Variants in KIF19 observed in about 807,000 individuals in gnomAD.
The protein encoded by KIF19 is kinesin-like protein KIF19.
In KIF19, 98 loss-of-function variants were observed where a neutral mutation model predicts 106.6. That is an observed-to-expected ratio of 0.92 (90% CI 0.78 to 1.09). The LOEUF is 1.09. Ranked by LOEUF, KIF19 falls within the 50% of genes least tolerant of loss-of-function variation. The pLI is 0.00. For missense variants in KIF19, 1,373 were observed against 1,414.3 expected (o/e 0.97, Z 0.47); for synonymous variants, 516 against 584.2 (o/e 0.88, Z 1.68).
At position 74,354,529 on chromosome 17, in the gene KIF19, GTCCCGA is replaced by G; in HGVS notation, c.2680_2685del (p.Arg894_Ser895del). The stretch of plus-strand genomic sequence containing the variant: ...TGGAGGCAAAGAGAAGGAAGCGGAG[GTCCCGA>G]TCCTTCGAGGTCACCGGGCAAGGGG... On this transcript the variant is annotated inframe_deletion, in exon 18 of 20. Transcript: ENST00000389916. The G allele has an allele frequency of 6.2e-7, 1 of 1,601,422 alleles. No individual in the cohort carries two copies. Among genetic ancestry groups the G allele is most frequent in the South Asian group, 1.1e-5 (1 of 88,918 alleles).
rs112186026 is a variant in KIF19, at chr17:74,328,171, G to T, written c.40-254G>T. 6.0e-3 allele frequency among the ~76,000 whole-genome samples: 910 copies of T among 152,292 alleles called. 12 individuals are homozygous for T. Among genetic ancestry groups the T allele is most frequent in the African/African-American group, 0.02 (845 of 41,548 alleles). ...TGTTTTATTTGGGCGTGAGGCTGAG[G>T]CAGGCTGGAGGAGCAGACAGCTCTC... On this transcript the variant is annotated intron_variant, in intron 1 of 19. Coordinates refer to ENST00000389916, the MANE Select transcript of KIF19 (RefSeq NM_153209.4).
intron 2 of KIF19, 41 bp downstream of exon 2, chr17:74,328,546 T>C: frequency 6.5e-7 from 1 of 1,540,238 alleles, no homozygotes; most frequent in South Asian, 1.2e-5. Context: ...GGCAGAGGTC[T>C]GCTCAGATGG....
intron 15 of KIF19, 87 bp downstream of exon 15, chr17:74,353,041 G>T: frequency 6.5e-7 from 1 of 1,528,538 alleles, no homozygotes; most frequent in East Asian, 2.3e-5. Context: ...GGGGAACACA[G>T]AGCAGCAATG....
intron 6 of KIF19, 50 bp from the exon 7 acceptor site, chr17:74,344,711 G>A (rs374106339): frequency 7.7e-6 from 12 of 1,558,932 alleles, no homozygotes; most frequent in Middle Eastern, 1.7e-4. Flanking sequence ...CCTCTCTGCC[G>A]GAGCACCTAC....
Position 74,352,938 on chromosome 17 carries a change from C to T in KIF19, c.2098C>T (p.Pro700Ser), listed in dbSNP as rs1434702585. 6.2e-7 allele frequency: 1 copy of T among 1,613,692 alleles called. No homozygotes were observed. The highest frequency in any genetic ancestry group is 8.5e-7 in the Non-Finnish European group (1 of 1,179,796). The change falls in exon 15 of 20, where the codon CCC becomes TCC. Residue 700 changes from proline (P) to serine (S), a missense_variant. Physicochemically the swap from Pro to Ser is moderately conservative, Grantham distance 74. This residue lies in a region of KIF19 where 1,020 missense variants were observed against 1,008.2 expected (regional missense o/e 1.01). Coordinates refer to ENST00000389916, the MANE Select transcript of KIF19 (RefSeq NM_153209.4). ...AQHLQNSALP[P>S]LSTESEGHHV... is the part of the protein sequence containing the mutation. ...GCACCTGCAGAACAGCGCCCTCCCTCCCCTCAGCACAGAGAGGTGAGATGG... is the reference window on the plus strand; with the variant it reads ...GCACCTGCAGAACAGCGCCCTCCCTTCCCTCAGCACAGAGAGGTGAGATGG...
rs1011353111 is a variant in KIF19, at chr17:74,346,776, G to A, written c.924+252G>A. 6.6e-6 allele frequency among the ~76,000 whole-genome samples: 1 copy of A among 152,198 alleles called. No individual in the cohort carries two copies. The highest frequency in any genetic ancestry group is 2.4e-5 in the African/African-American group (1 of 41,446). On this transcript the variant is annotated intron_variant, in intron 8 of 19. Transcript: ENST00000389916. The surrounding 1 kb of genome is among the most constrained non-coding windows in gnomAD (Gnocchi z 4.6). ...GACCCTAACCAAAGGCTGGGCAATG[G>A]GAAGGAAAAGGAGCACGTGATACCC...
At chr17:74,349,892 G>A (rs1024335292) in intron 10 of KIF19, among the ~76,000 whole-genome samples, 8 of 151,716 alleles carry the variant, frequency 5.3e-5, no homozygotes, top group South Asian at 2.1e-4. Flanking sequence ...TCTGCCTCCC[G>A]GGTTCAAGCG....
At chr17:74,340,851 A>G (rs1181846312) in intron 2 of KIF19, among the ~76,000 whole-genome samples, 1 of 152,154 alleles carries the variant, frequency 6.6e-6, no homozygotes, top group Non-Finnish European at 1.5e-5. Flanking sequence ...GGTGAGGCGG[A>G]GCAGGCAGGG....
Position 74,354,781 on chromosome 17 carries a change from G to T in KIF19, c.2707-1G>T, listed in dbSNP as rs1186650046. 1.3e-6 allele frequency: 2 copies of T among 1,554,944 alleles called. No individual in the cohort carries two copies. The highest frequency in any genetic ancestry group is 8.7e-7 in the Non-Finnish European group (1 of 1,148,732). The stretch of plus-strand genomic sequence containing the variant: ...CTCACCCCACTGTTCAACCATCACA[G>T]CTCTCCCACCCCAAGACACACCTCC... On this transcript the variant is annotated splice_acceptor_variant, in intron 18 of 19. Coordinates refer to ENST00000389916, the MANE Select transcript of KIF19 (RefSeq NM_153209.4). LOFTEE classifies it high-confidence loss of function.
chr17:74,349,126 C>T, intron 9 of KIF19, 58 bp from the exon 10 acceptor site: 3 of 1,594,944 alleles, frequency 1.9e-6, no homozygotes, highest in East Asian at 4.5e-5. Flanking sequence ...GCAGGCAGGC[C>T]TCGGTGAGTG....
At chr17:74,328,201 CTGGGGCTCTCCCG>C (rs149130279) in intron 1 of KIF19, among the ~76,000 whole-genome samples, 7,882 of 152,224 alleles carry the variant, frequency 0.052, 587 homozygotes, top group African/African-American at 0.16. Flanking sequence ...GCTCTCTCCC[CTGGGGCTCTCCCG>C]GAGGCCAGGG....
At chr17:74,334,216 G>A (rs184011616) in intron 2 of KIF19, among the ~76,000 whole-genome samples, 135 of 151,670 alleles carry the variant, frequency 8.9e-4, no homozygotes, top group African/African-American at 3.0e-3. Context: ...ATGGGTGTGT[G>A]GGTTGTTCTT....
At position 74,326,397 on chromosome 17, in the gene KIF19, C is replaced by T. The variant is rs2144177200; in HGVS notation, c.39+9C>T. 3 of 1,612,146 alleles carry T rather than the reference C, an allele frequency of 1.9e-6. No homozygotes were observed. Among genetic ancestry groups the T allele is most frequent in the Non-Finnish European group, 2.5e-6 (3 of 1,178,992 alleles). On this transcript the variant is annotated intron_variant, in intron 1 of 19. Transcript: ENST00000389916. Reference sequence around the variant, plus strand: ...AGGACCAGCAACTCATGGTGAGACCCTTTTAGACCCTCCTCCCCACCCCGC... The same window carrying T: ...AGGACCAGCAACTCATGGTGAGACCTTTTTAGACCCTCCTCCCCACCCCGC...
chr17:74,355,052 T>C (rs2054840826), intron 19 of KIF19, 111 bp downstream of exon 19: 6 of 1,546,746 alleles, frequency 3.9e-6, no homozygotes, highest in Non-Finnish European at 5.3e-6. Flanking sequence ...GGAAGCATGG[T>C]TCTAGCAGAA....
intron 2 of KIF19, among the ~76,000 whole-genome samples, chr17:74,340,603 G>A (rs1239832215): frequency 6.8e-6 from 1 of 146,700 alleles, no homozygotes; most frequent in Non-Finnish European, 1.5e-5. Flanking sequence ...GCAGGGAGGG[G>A]AGCCCCAGCT....
intron 1 of KIF19, among the ~76,000 whole-genome samples, chr17:74,326,725 A>G (rs956607596): frequency 4.6e-5 from 7 of 152,182 alleles, no homozygotes; most frequent in Admixed American, 2.0e-4. Flanking sequence ...GGCTTGACCT[A>G]ACTGCCCCCA....
rs375218136 is a variant in KIF19 at position 74,352,918 on chromosome 17, T to G, written c.2078T>G (p.Leu693Arg). 8 of 1,613,904 alleles carry G rather than the reference T, an allele frequency of 5.0e-6. No individual in the cohort carries two copies. The highest frequency in any genetic ancestry group is 5.9e-6 in the Non-Finnish European group (7 of 1,179,860). Reference protein sequence around the residue: ...VKTLSSDAQHLQNSALPPLST... With the variant: ...VKTLSSDAQHRQNSALPPLST... ...ACATTGAGCTCTGATGCCCAGCACC[T>G]GCAGAACAGCGCCCTCCCTCCCCTC... The change falls in exon 15 of 20, where the codon CTG (leucine) becomes CGG (arginine). Residue 693 changes from leucine to arginine, a missense_variant. Physicochemically the swap from Leu to Arg is moderately radical, Grantham distance 102 (BLOSUM62 -2). Around this residue, in one of 3 missense-constraint regions of KIF19, gnomAD observed 1,020 missense variants for 1,008.2 expected, o/e 1.01. Coordinates refer to ENST00000389916, the MANE Select transcript of KIF19 (RefSeq NM_153209.4).
Position 74,354,875 on chromosome 17 carries a change from A to G in KIF19, c.2800A>G (p.Ile934Val), listed in dbSNP as rs769970075. The change falls in exon 19 of 20, where the codon ATC (isoleucine) becomes GTC (valine). Residue 934 changes from isoleucine (I) to valine (V), a missense_variant. Ile to Val is a conservative substitution (Grantham distance 29, BLOSUM62 3). Around this residue, in one of 3 missense-constraint regions of KIF19, gnomAD observed 1,020 missense variants for 1,008.2 expected, o/e 1.01. Coordinates refer to ENST00000389916, the MANE Select transcript of KIF19 (RefSeq NM_153209.4). The stretch of plus-strand genomic sequence containing the variant: ...AGTGTGCAGGCACCCAGCCCCTGGT[A>G]TCCGGCATCTGGGAAAGGTCACGCT... ...MPVCRHPAPG[I>V]RHLGKVTLPL... 5.7e-6 allele frequency: 9 copies of G among 1,567,606 alleles called. No homozygotes were observed. In the South Asian group the frequency reaches 9.4e-5, roughly 16 times the overall value.
intron 2 of KIF19, among the ~76,000 whole-genome samples, chr17:74,341,209 C>A (rs886519605): frequency 1.3e-5 from 2 of 152,150 alleles, no homozygotes; most frequent in East Asian, 1.9e-4. Flanking sequence ...GTCCCAGGTA[C>A]GCTGGAGGCT....
Sources: allele counts gnomAD v4.1 joint callset (sites outside exome capture counted in the v4.1 genomes callset), GRCh38; gene constraint gnomAD v4.1.1; regional missense constraint gnomAD v4.1.1; non-coding constraint Gnocchi (gnomAD v3.1); transcripts MANE v1.5; gene names NCBI Gene and HGNC (gene_info 2026-07-23, HGNC 2026-07-21).